Variants in RORA observed in about 807,000 individuals in gnomAD.
The protein encoded by RORA is nuclear receptor ROR-alpha.
A neutral mutation model predicts 69.5 loss-of-function variants in RORA; 7 were observed. That is an observed-to-expected ratio of 0.10 (90% CI 0.06 to 0.19). The LOEUF is 0.19. Ranked by LOEUF, RORA falls within the 10% of genes least tolerant of loss-of-function variation. RORA has a pLI of 1.00. For missense variants in RORA, 457 were observed against 663.0 expected, an observed-to-expected ratio of 0.69 and a Z score of 3.41; for synonymous variants, 261 against 240.8, an observed-to-expected ratio of 1.08 and a Z score of -0.78.
chr15:60,684,353 C>T (rs550153693), intron 1 of RORA, among the ~76,000 whole-genome samples: 16 of 152,298 alleles, frequency 1.1e-4, no homozygotes, highest in Admixed American at 2.0e-4. Context: ...TGGTGGCTCA[C>T]GCCTGTAATC....
intron 1 of RORA, among the ~76,000 whole-genome samples, chr15:60,691,727 T>C (rs752547651): frequency 2.0e-5 from 3 of 152,186 alleles, no homozygotes; most frequent in Non-Finnish European, 2.9e-5. Flanking sequence ...AAAGTTAAAA[T>C]GGCACTGTTA....
At position 60,491,222 on chromosome 15, in the gene RORA, T is replaced by TA. The variant is rs1356016428; in HGVS notation, c.*6232_*6233insT. The TA allele has an allele frequency of 6.6e-6, 1 of 152,192 alleles. No individual in the cohort carries two copies. Among genetic ancestry groups the TA allele is most frequent in the Admixed American group, 6.5e-5 (1 of 15,270 alleles). The allele number at this position is 152,192 out of a possible 1,614,324, so 9.4% of individuals were successfully genotyped here. A position where few individuals can be genotyped will look rare whatever the true frequency, so the allele number is the denominator to read the frequency against. The stretch of plus-strand genomic sequence containing the variant: ...GATAATCAAGTTCCTAGAAATAGTA[T>TA]TCATCCACATTAAAGTAATAATGAT... On this transcript the variant is annotated 3_prime_UTR_variant, in exon 11 of 11. Transcript: ENST00000335670.
intron 1 of RORA, among the ~76,000 whole-genome samples, chr15:60,743,811 G>C (rs1169777428): frequency 6.6e-6 from 1 of 152,176 alleles, no homozygotes; most frequent in Non-Finnish European, 1.5e-5. Context: ...ATGTGACAAG[G>C]AAAAAGTGAT....
chr15:60,971,157 G>C (rs1397299471), intron 1 of RORA, among the ~76,000 whole-genome samples: 4 of 152,174 alleles, frequency 2.6e-5, no homozygotes, highest in Admixed American at 2.6e-4. Flanking sequence ...GCATGGAAAG[G>C]GACATCATGC....
At chr15:60,498,324 G>C (rs1215205486) in intron 10 of RORA, among the ~76,000 whole-genome samples, 1 of 152,118 alleles carries the variant, frequency 6.6e-6, no homozygotes, top group African/African-American at 2.4e-5. Context: ...CGGGTGAGGG[G>C]CAGTGGTGGG....
intron 2 of RORA, among the ~76,000 whole-genome samples, chr15:60,593,699 T>C (rs987983083): frequency 2.0e-4 from 31 of 152,332 alleles, no homozygotes; most frequent in African/African-American, 3.4e-4. Context: ...TGCGTACCTA[T>C]TGCGGTTCCT....
intron 2 of RORA, among the ~76,000 whole-genome samples, chr15:60,613,730 G>GTGTA (rs1555438177): frequency 2.6e-4 from 39 of 147,336 alleles, no homozygotes; most frequent in South Asian, 1.9e-3. Context: ...GTGTGTGTGT[G>GTGTA]TGTGTGTGTG....
intron 1 of RORA, among the ~76,000 whole-genome samples, chr15:61,153,567 G>A (rs1024323741): frequency 1.3e-5 from 2 of 152,154 alleles, no homozygotes; most frequent in African/African-American, 4.8e-5. Context: ...TTATTACCTT[G>A]TTGAGTACCT....
intron 1 of RORA, among the ~76,000 whole-genome samples, chr15:61,108,840 C>A (rs1402731049): frequency 6.6e-6 from 1 of 152,170 alleles, no homozygotes; most frequent in Admixed American, 6.5e-5. Context: ...TCATTTGACA[C>A]ACCCTACCAA....
At chr15:60,975,554 G>T (rs1230377930) in intron 1 of RORA, among the ~76,000 whole-genome samples, 1 of 152,128 alleles carries the variant, frequency 6.6e-6, no homozygotes, top group East Asian at 1.9e-4. Flanking sequence ...AACATGTGGG[G>T]TCCTATTCAG....
chr15:61,135,658 C>A (rs536461381), intron 1 of RORA, among the ~76,000 whole-genome samples: 1 of 151,856 alleles, frequency 6.6e-6, no homozygotes, highest in South Asian at 2.1e-4. Flanking sequence ...CATCCTTATC[C>A]CCCTGCAGAG....
At chr15:60,906,335 T>C (rs1387789672) in intron 1 of RORA, among the ~76,000 whole-genome samples, 1 of 152,234 alleles carries the variant, frequency 6.6e-6, no homozygotes, top group African/African-American at 2.4e-5. Context: ...TACCAGGGGC[T>C]GAGCTAGTGA....
intron 2 of RORA, chr15:60,630,740 T>G (rs1488237055): frequency 2.0e-5 from 3 of 152,230 alleles, no homozygotes; most frequent in Non-Finnish European, 2.9e-5. Context: ...TTCTCCTCTG[T>G]ACCTCCTTAG....
At position 60,858,161 on chromosome 15, in the gene RORA, G is replaced by T. The variant is rs540023487; in HGVS notation, c.167-179475C>A. Among the ~76,000 whole-genome samples, 57 of 152,306 alleles carry T rather than the reference G, an allele frequency of 3.7e-4. 1 individual carries two copies. Among genetic ancestry groups the T allele is most frequent in the Admixed American group, 3.6e-3 (55 of 15,298 alleles). ...TTACTATGGAGAGTCAGAACACGGG[G>T]TCCATGGCCTTGCTTCACCATGTAT... On this transcript the variant is annotated intron_variant, in intron 1 of 10. Coordinates refer to ENST00000335670, the MANE Select transcript of RORA (RefSeq NM_134261.3).
At chr15:61,101,288 G>T (rs777782909) in intron 1 of RORA, among the ~76,000 whole-genome samples, 33 of 152,158 alleles carry the variant, frequency 2.2e-4, no homozygotes, top group Non-Finnish European at 4.4e-4. Context: ...TCACATAAAT[G>T]AATATCCAGT....
intron 1 of RORA, among the ~76,000 whole-genome samples, chr15:61,123,989 AT>A (rs978545570): frequency 4.6e-5 from 7 of 152,220 alleles, no homozygotes; most frequent in African/African-American, 1.7e-4. Flanking sequence ...ACTAAATAAA[AT>A]GTTTATCAGG....
At chr15:61,085,525 G>T (rs2078611573) in intron 1 of RORA, among the ~76,000 whole-genome samples, 1 of 152,234 alleles carries the variant, frequency 6.6e-6, no homozygotes, top group African/African-American at 2.4e-5. Flanking sequence ...TTTTAATTCA[G>T]TAGGTTGGGG....
chr15:60,834,899 AT>A (rs946081564), intron 1 of RORA, among the ~76,000 whole-genome samples: 31 of 149,544 alleles, frequency 2.1e-4, no homozygotes, highest in South Asian at 1.3e-3. Context: ...TCTTCGCAGG[AT>A]TTTTTTTTTC....
At chr15:60,540,362 C>T (rs2066823188) in intron 2 of RORA, among the ~76,000 whole-genome samples, 1 of 152,124 alleles carries the variant, frequency 6.6e-6, no homozygotes. Flanking sequence ...CTAGTTTCTG[C>T]TCAACCGAAA....
Sources: gnomAD v4.1 joint callset for allele counts (sites outside exome capture counted in the v4.1 genomes callset) on GRCh38, gnomAD v4.1.1 for gene constraint, MANE v1.5 for transcripts, NCBI Gene and HGNC (gene_info 2026-07-23, HGNC 2026-07-21) for gene names.